TIMD4: variants seen among roughly 807,000 people sequenced by gnomAD.
TIMD4 encodes the protein T-cell immunoglobulin and mucin domain-containing protein 4.
A neutral mutation model predicts 41.2 loss-of-function variants in TIMD4; 31 were observed. The observed-to-expected ratio is 0.75, with a 90% CI of 0.57 to 1.01. The LOEUF is 1.01. Ranked by LOEUF, TIMD4 falls within the 50% of genes least tolerant of loss-of-function variation. The probability of loss-of-function intolerance (pLI) is 0.00; values close to 1 mark genes in which losing one functional copy is unlikely to be tolerated. For missense variants in TIMD4, 479 were observed against 472.5 expected (o/e 1.01, Z -0.13); for synonymous variants, 204 against 177.1 (o/e 1.15, Z -1.21).
rs199747140 is a variant in TIMD4 at position 156,950,453 on chromosome 5, G to A, written c.680-722C>T. Among the ~76,000 whole-genome samples the A allele has an allele frequency of 4.6e-5, 7 of 152,304 alleles. No individual in the cohort carries two copies. In the East Asian group the frequency reaches 1.2e-3, roughly 25 times the overall value. The stretch of plus-strand genomic sequence containing the variant: ...TTGGTTTAGGGTTCATGGATTTTAG[G>A]TACTATTCAGAGTATAATAGAATTA... On this transcript the variant is annotated intron_variant, in intron 3 of 8. Coordinates refer to ENST00000274532, the MANE Select transcript of TIMD4 (RefSeq NM_138379.3).
chr5:156,920,545 G>T, intron 7 of TIMD4, 42 bp from the exon 8 acceptor site: 1 of 1,605,430 alleles, frequency 6.2e-7, no homozygotes. Flanking sequence ...TGGCTGCGGT[G>T]CATAGAACAT....
chr5:156,923,026 T>G (rs1482255062), intron 6 of TIMD4, among the ~76,000 whole-genome samples: 1 of 152,144 alleles, frequency 6.6e-6, no homozygotes, highest in Non-Finnish European at 1.5e-5. Flanking sequence ...AACTTGCACA[T>G]GTACCCCTGA....
chr5:156,925,040 G>A (rs533263408), intron 6 of TIMD4, among the ~76,000 whole-genome samples: 105 of 152,308 alleles, frequency 6.9e-4, no homozygotes, highest in African/African-American at 2.4e-3. Context: ...CAGGCATGTT[G>A]GCTCACGCCT....
intron 2 of TIMD4, 134 bp from the exon 3 acceptor site, chr5:156,951,924 T>TA (rs1272879131): frequency 8.2e-7 from 1 of 1,226,552 alleles, no homozygotes; most frequent in African/African-American, 1.5e-5. Context: ...TAATGCCCAA[T>TA]AAAATTGTGT....
intron 1 of TIMD4, among the ~76,000 whole-genome samples, chr5:156,959,545 C>G (rs533987387): frequency 6.6e-6 from 1 of 152,282 alleles, no homozygotes; most frequent in Non-Finnish European, 1.5e-5. Flanking sequence ...GTGGAGCTAC[C>G]TGGAATGGTG....
At chr5:156,960,512 T>A (rs944519597) in intron 1 of TIMD4, among the ~76,000 whole-genome samples, 12 of 151,550 alleles carry the variant, frequency 7.9e-5, no homozygotes, top group African/African-American at 2.7e-4. Flanking sequence ...GTTCAAGCGA[T>A]TCTCCTGCCT....
chr5:156,955,867 T>C (rs1561555164), intron 1 of TIMD4, among the ~76,000 whole-genome samples: 2 of 152,212 alleles, frequency 1.3e-5, no homozygotes, highest in Non-Finnish European at 2.9e-5. Flanking sequence ...ATAATAATTG[T>C]ATATATTTAT....
intron 3 of TIMD4, among the ~76,000 whole-genome samples, chr5:156,950,538 A>G (rs537110939): frequency 1.1e-4 from 16 of 152,360 alleles, no homozygotes; most frequent in Non-Finnish European, 1.9e-4. Context: ...CAGCTGAAAT[A>G]TCTAAGAAAG....
At chr5:156,941,243 C>T (rs986456984) in intron 5 of TIMD4, among the ~76,000 whole-genome samples, 2 of 152,088 alleles carry the variant, frequency 1.3e-5, no homozygotes, top group African/African-American at 2.4e-5. Flanking sequence ...ATCTGCTGAC[C>T]TTCTCTCCAC....
At position 156,954,683 on chromosome 5, in the gene TIMD4, G is replaced by A. The variant is rs1759937466; in HGVS notation, c.132C>T (p.Ser44=). The A allele has an allele frequency of 6.2e-7, 1 of 1,614,214 alleles. No homozygotes were observed. Among genetic ancestry groups the A allele is most frequent in the East Asian group, 2.2e-5 (1 of 44,888 alleles). Residue 44 remains serine (S), a synonymous_variant, in exon 2 of 9, where the codon TCC becomes TCT. Transcript: ENST00000274532. ...ACATGCTGTTGCTGTTGTGAGACCA[G>A]GATGAGTACAGACAGGGCAAAGTCA... ...HRVTLPCLYS[S]WSHNSNSMCW...
intron 7 of TIMD4, among the ~76,000 whole-genome samples, chr5:156,921,613 T>C (rs1198484016): frequency 1.5e-5 from 1 of 67,344 alleles, no homozygotes; most frequent in Non-Finnish European, 2.5e-5. Context: ...AATGAGACTC[T>C]CTCAAAAAAA....
Position 156,926,284 on chromosome 5 carries a change from G to A in TIMD4, c.873C>T (p.Asn291=). ...GASDTAVPEQ[N]KTTKTGQMDG... ...TTACCTGTCCTGTTTTTGTTGTTTT[G>A]TTCTGCTCAGGAACTGCTGTATCAG... Residue 291 remains asparagine (N), a synonymous_variant, in exon 6 of 9, where the codon AAC becomes AAT. Coordinates refer to ENST00000274532, the MANE Select transcript of TIMD4 (RefSeq NM_138379.3). 6.2e-7 allele frequency: 1 copy of A among 1,613,482 alleles called. No homozygotes were observed. Among genetic ancestry groups the A allele is most frequent in the Middle Eastern group, 1.7e-4 (1 of 6,060 alleles).
intron 5 of TIMD4, among the ~76,000 whole-genome samples, chr5:156,939,798 G>T (rs1464069562): frequency 1.3e-5 from 2 of 152,162 alleles, no homozygotes; most frequent in African/African-American, 4.8e-5. Flanking sequence ...TGTTGTTGCT[G>T]CTATCATTCT....
chr5:156,936,654 C>T (rs961574799), intron 5 of TIMD4, among the ~76,000 whole-genome samples: 1 of 151,840 alleles, frequency 6.6e-6, no homozygotes, highest in South Asian at 2.1e-4. Context: ...GAGTGGCTCA[C>T]GCCTGTAATC....
Position 156,952,535 on chromosome 5 carries a change from C to T in TIMD4, c.401-745G>A, listed in dbSNP as rs570882444. On this transcript the variant is annotated intron_variant, in intron 2 of 8. Coordinates refer to ENST00000274532, the MANE Select transcript of TIMD4 (RefSeq NM_138379.3). ...ATATATCAGCAACCTTCCCGCTGCA[C>T]GAACCTTTGTACCTGCTGCTTCCTA... Among the ~76,000 whole-genome samples the T allele has an allele frequency of 3.3e-5, 5 of 152,252 alleles. No homozygotes were observed. The East Asian group carries it at 7.7e-4, about 24-fold the overall frequency.
chr5:156,958,689 C>A (rs921262082), intron 1 of TIMD4, among the ~76,000 whole-genome samples: 5 of 152,192 alleles, frequency 3.3e-5, no homozygotes, highest in Non-Finnish European at 5.9e-5. Context: ...TATGCCTTAG[C>A]AATTTCACGT....
In TIMD4 at chr5:156,926,319, A is replaced by T; in HGVS notation, c.845-7T>A. 6.2e-7 allele frequency: 1 copy of T among 1,613,460 alleles called. No homozygotes were observed. Among genetic ancestry groups the T allele is most frequent in the East Asian group, 2.2e-5 (1 of 44,842 alleles). On this transcript the variant is annotated splice_region_variant and splice_polypyrimidine_tract_variant and intron_variant, in intron 5 of 8. Coordinates refer to ENST00000274532, the MANE Select transcript of TIMD4 (RefSeq NM_138379.3). ...GGAACTGCTGTATCAGATGCTGGGA[A>T]GGAAAAGAGAAGAAAATGGTTATAT...
intron 7 of TIMD4, among the ~76,000 whole-genome samples, chr5:156,921,770 T>C (rs1023650574): frequency 1.3e-5 from 2 of 152,096 alleles, no homozygotes; most frequent in Non-Finnish European, 2.9e-5. Context: ...AATAGTACTT[T>C]CCTCTTAAGG....
At chr5:156,960,881 C>T (rs1186081761) in intron 1 of TIMD4, among the ~76,000 whole-genome samples, 2 of 152,142 alleles carry the variant, frequency 1.3e-5, no homozygotes, top group Non-Finnish European at 2.9e-5. Flanking sequence ...GCAGGAACTC[C>T]AAGGAGGATG....
Sources: allele counts gnomAD v4.1 joint callset (sites outside exome capture counted in the v4.1 genomes callset), GRCh38; gene constraint gnomAD v4.1.1; transcripts MANE v1.5; gene names NCBI Gene and HGNC (gene_info 2026-07-23, HGNC 2026-07-21).